HECW2: variants seen among roughly 807,000 people sequenced by gnomAD.
HECW2 encodes the protein E3 ubiquitin-protein ligase HECW2.
In HECW2, 61 loss-of-function variants were observed where a neutral mutation model predicts 175.2. The ratio of observed to expected loss-of-function variants is 0.35; its 90% CI spans 0.28 to 0.43. The LOEUF is 0.43. Among genes scored for constraint, HECW2 ranks in the 20% least tolerant of loss-of-function variants. HECW2 has a pLI of 1.00. For missense variants in HECW2, 1,524 were observed against 2,000.5 expected (o/e 0.76, Z 4.54); for synonymous variants, 671 against 731.0 (o/e 0.92, Z 1.32).
At chr2:196,566,132 AAACT>A (rs987687917) in intron 1 of HECW2, among the ~76,000 whole-genome samples, 9 of 152,170 alleles carry the variant, frequency 5.9e-5, no homozygotes, top group African/African-American at 9.7e-5. Flanking sequence ...AGGAAAAAAA[AAACT>A]AACTAAAATT....
rs570404094 is a variant in HECW2 at position 196,404,600 on chromosome 2, GT to G, written c.292+28531del. Among the ~76,000 whole-genome samples, 266 of 152,172 alleles carry G rather than the reference GT, an allele frequency of 1.7e-3. 1 individual carries two copies. The highest frequency in any genetic ancestry group is 6.1e-3 in the African/African-American group (252 of 41,508). ...TTTATCATCTTGGAAAATGTTTCCT[GT>G]CTTTTGGCACATTTCTGCATTCAAA... On this transcript the variant is annotated intron_variant, in intron 2 of 28. Coordinates refer to ENST00000644978, the MANE Select transcript of HECW2 (RefSeq NM_001348768.2).
chr2:196,444,633 C>T (rs1696132014), intron 1 of HECW2, among the ~76,000 whole-genome samples: 1 of 152,128 alleles, frequency 6.6e-6, no homozygotes, highest in African/African-American at 2.4e-5. Flanking sequence ...AATGCCAACC[C>T]TTCCAATCAA....
intron 14 of HECW2, among the ~76,000 whole-genome samples, chr2:196,287,557 T>C (rs1165806666): frequency 6.6e-6 from 1 of 152,196 alleles, no homozygotes; most frequent in African/African-American, 2.4e-5. Context: ...AAAGAGACTT[T>C]TTTTTCTAAA....
At chr2:196,284,773 T>C (rs4850694) in intron 14 of HECW2, among the ~76,000 whole-genome samples, 85,606 of 152,066 alleles carry the variant, frequency 0.56, 27,882 homozygotes, top group East Asian at 0.81. Context: ...AGTTTTTGAA[T>C]AGCCTGCAAT....
At chr2:196,432,507 T>C (rs918355651) in intron 2 of HECW2, among the ~76,000 whole-genome samples, 4 of 152,340 alleles carry the variant, frequency 2.6e-5, no homozygotes, top group Admixed American at 2.6e-4. Context: ...ACTCAGCAAA[T>C]GTAAGTTCAC....
At chr2:196,364,217 A>G (rs1693683409) in intron 2 of HECW2, among the ~76,000 whole-genome samples, 1 of 152,236 alleles carries the variant, frequency 6.6e-6, no homozygotes, top group South Asian at 2.1e-4. Context: ...GTTCTGGATT[A>G]CCCACGTATT....
intron 1 of HECW2, among the ~76,000 whole-genome samples, chr2:196,520,267 C>CAA (rs35560202): frequency 1.4e-5 from 2 of 141,300 alleles, no homozygotes; most frequent in African/African-American, 5.0e-5. Context: ...AAATTATTAC[C>CAA]AAAAAAAAAA....
intron 1 of HECW2, among the ~76,000 whole-genome samples, chr2:196,572,443 A>G (rs970184464): frequency 3.9e-5 from 6 of 152,156 alleles, no homozygotes; most frequent in Non-Finnish European, 5.9e-5. Flanking sequence ...TCAGCCTCCC[A>G]AAGTGCTAGG....
At chr2:196,560,491 C>A (rs1689960316) in intron 1 of HECW2, among the ~76,000 whole-genome samples, 1 of 152,190 alleles carries the variant, frequency 6.6e-6, no homozygotes, top group African/African-American at 2.4e-5. Flanking sequence ...CCCGCACTCC[C>A]TGTCCCTGTC....
At chr2:196,505,828 T>TATA in intron 1 of HECW2, among the ~76,000 whole-genome samples, 1 of 152,316 alleles carries the variant, frequency 6.6e-6, no homozygotes, top group Admixed American at 6.5e-5. Context: ...GAGGAGCTCC[T>TATA]ATAGACCAAG....
At chr2:196,464,741 G>T (rs147755231) in intron 1 of HECW2, among the ~76,000 whole-genome samples, 3 of 152,182 alleles carry the variant, frequency 2.0e-5, no homozygotes, top group African/African-American at 7.2e-5. Context: ...AAAAATCTTC[G>T]CTTAAAGAAG....
intron 1 of HECW2, among the ~76,000 whole-genome samples, chr2:196,440,009 T>G (rs1695993635): frequency 6.6e-6 from 1 of 152,110 alleles, no homozygotes; most frequent in Non-Finnish European, 1.5e-5. Flanking sequence ...AGGACTAAAT[T>G]GTGGATTTTC....
intron 1 of HECW2, among the ~76,000 whole-genome samples, chr2:196,566,993 G>A (rs934557475): frequency 6.6e-6 from 1 of 152,128 alleles, no homozygotes; most frequent in East Asian, 1.9e-4. Flanking sequence ...CATTTTAGCT[G>A]GGTACATGAC....
At chr2:196,438,520 C>T (rs1695946470) in intron 1 of HECW2, among the ~76,000 whole-genome samples, 1 of 152,212 alleles carries the variant, frequency 6.6e-6, no homozygotes, top group Non-Finnish European at 1.5e-5. Context: ...TCCACAGCTA[C>T]ATACAGGACC....
chr2:196,568,344 C>G (rs541494994), intron 1 of HECW2, among the ~76,000 whole-genome samples: 1 of 152,282 alleles, frequency 6.6e-6, no homozygotes, highest in African/African-American at 2.4e-5. Context: ...TACTTAGTTT[C>G]GCCCACTCCT....
intron 1 of HECW2, among the ~76,000 whole-genome samples, chr2:196,539,599 C>A (rs1463005152): frequency 6.6e-6 from 1 of 152,122 alleles, no homozygotes; most frequent in Non-Finnish European, 1.5e-5. Context: ...CCAGCCACTG[C>A]ACTCCAGCCT....
At chr2:196,396,597 T>C (rs1009510789) in intron 2 of HECW2, among the ~76,000 whole-genome samples, 1 of 152,260 alleles carries the variant, frequency 6.6e-6, no homozygotes, top group African/African-American at 2.4e-5. Flanking sequence ...GTATCTCTAT[T>C]GTTTCCCCTT....
intron 2 of HECW2, among the ~76,000 whole-genome samples, chr2:196,415,363 T>C (rs1041827850): frequency 1.3e-5 from 2 of 152,260 alleles, no homozygotes; most frequent in South Asian, 2.1e-4. Context: ...AATCAAGAAC[T>C]GGTTTTGCTT....
At position 196,588,242 on chromosome 2, in the gene HECW2, T is replaced by C. The variant is rs149186203; in HGVS notation, c.-36+5266A>G. ...CAGAGATCTTTGTTTTATTCATTGATATATTCCCAGCACCTAGATCAGATA... is the reference window on the plus strand; with the variant it reads ...CAGAGATCTTTGTTTTATTCATTGACATATTCCCAGCACCTAGATCAGATA... On this transcript the variant is annotated intron_variant, in intron 1 of 28. Coordinates refer to ENST00000644978, the MANE Select transcript of HECW2 (RefSeq NM_001348768.2). Among the ~76,000 whole-genome samples, 166 of 152,362 alleles carry C rather than the reference T, an allele frequency of 1.1e-3. 1 individual carries two copies. Among genetic ancestry groups the C allele is most frequent in the African/African-American group, 3.8e-3 (157 of 41,580 alleles).
Sources: allele counts gnomAD v4.1 joint callset (sites outside exome capture counted in the v4.1 genomes callset), GRCh38; gene constraint gnomAD v4.1.1; transcripts MANE v1.5; gene names NCBI Gene and HGNC (gene_info 2026-07-23, HGNC 2026-07-21).